The following RAB8B variants were observed in gnomAD, a reference collection of about 807,000 sequenced individuals.
RAB8B encodes the protein ras-related protein Rab-8B.
Under a neutral mutation model 32.0 loss-of-function variants are expected in RAB8B, and 11 were observed. The observed-to-expected ratio is 0.34, with a 90% CI of 0.22 to 0.57. RAB8B has a LOEUF of 0.57. Among genes scored for constraint, RAB8B ranks in the 20% least tolerant of loss-of-function variants. The pLI, the probability that RAB8B is intolerant of heterozygous loss-of-function variation, is 0.86. For missense variants in RAB8B, 190 were observed against 258.5 expected (o/e 0.73, Z 1.82); for synonymous variants, 103 against 89.6 (o/e 1.15, Z -0.85).
At chr15:63,204,026 G>T (rs1002216786) in intron 1 of RAB8B, among the ~76,000 whole-genome samples, 2 of 151,954 alleles carry the variant, frequency 1.3e-5, no homozygotes, top group Admixed American at 1.3e-4. Context: ...AAGTGCTGTG[G>T]TAAAGCATTA....
chr15:63,235,963 A>T (rs16953481), intron 1 of RAB8B, among the ~76,000 whole-genome samples: 3,095 of 152,248 alleles, frequency 0.02, 88 homozygotes, highest in African/African-American at 0.071. Flanking sequence ...CAAGATGTGG[A>T]TGTTCTTGTA....
intron 1 of RAB8B, among the ~76,000 whole-genome samples, chr15:63,243,154 T>A (rs1422269994): frequency 3.3e-5 from 5 of 152,224 alleles, no homozygotes; most frequent in Admixed American, 3.3e-4. Flanking sequence ...GAGAATCTAA[T>A]GCCACTGCTG....
At chr15:63,246,457 A>G (rs1388303494) in intron 2 of RAB8B, among the ~76,000 whole-genome samples, 1 of 150,494 alleles carries the variant, frequency 6.6e-6, no homozygotes, top group African/African-American at 2.5e-5. Context: ...GAAACACTTT[A>G]TTTATGTTTA....
chr15:63,242,368 A>G (rs2038039313), intron 1 of RAB8B, among the ~76,000 whole-genome samples: 1 of 152,068 alleles, frequency 6.6e-6, no homozygotes, highest in African/African-American at 2.4e-5. Context: ...ATAGCAGTTG[A>G]ATGCTCCCCA....
At chr15:63,250,805 C>A (rs571446104) in intron 3 of RAB8B, among the ~76,000 whole-genome samples, 7 of 150,606 alleles carry the variant, frequency 4.6e-5, no homozygotes, top group African/African-American at 1.7e-4. Context: ...GAAGGTTGAA[C>A]AACTGAGGTC....
intron 3 of RAB8B, among the ~76,000 whole-genome samples, chr15:63,252,971 C>T (rs536180641): frequency 1.3e-5 from 2 of 152,216 alleles, no homozygotes; most frequent in Non-Finnish European, 2.9e-5. Flanking sequence ...TGGTCTCAAA[C>T]TCCTGATCTC....
At chr15:63,229,076 G>A (rs1298516929) in intron 1 of RAB8B, among the ~76,000 whole-genome samples, 2 of 152,004 alleles carry the variant, frequency 1.3e-5, no homozygotes, top group East Asian at 3.9e-4. Context: ...AAATATTTTC[G>A]AGATCTCTAT....
chr15:63,267,398 G>A lies in RAB8B; in HGVS notation c.*3779G>A, dbSNP rs1226197421. 2.0e-5 allele frequency: 3 copies of A among 152,438 alleles called. No individual in the cohort carries two copies. Among genetic ancestry groups the A allele is most frequent in the African/African-American group, 7.2e-5 (3 of 41,396 alleles). 9.4% of individuals were successfully genotyped at this position (152,438 alleles called of 1,614,324 possible). On this transcript the variant is annotated 3_prime_UTR_variant, in exon 8 of 8. Transcript: ENST00000321437. ...TTCACTTTACCTTTTTTTAAAATGT[G>A]AATTTAGTTATTATAGTTCAATTTT...
intron 1 of RAB8B, among the ~76,000 whole-genome samples, chr15:63,205,550 G>C (rs1013826530): frequency 2.6e-5 from 4 of 152,056 alleles, no homozygotes; most frequent in Non-Finnish European, 5.9e-5. Context: ...ATGTGGTAGG[G>C]ACAAGGGCAT....
chr15:63,223,864 G>A lies in RAB8B; in HGVS notation c.125-20892G>A, dbSNP rs533744370. 11 of 433,904 alleles carry A rather than the reference G, an allele frequency of 2.5e-5. No individual in the cohort carries two copies. In the East Asian group the frequency reaches 7.0e-4, roughly 28 times the overall value. The allele number at this position is 433,904 out of a possible 1,614,324, so 26.9% of individuals were successfully genotyped here. On this transcript the variant is annotated intron_variant, in intron 1 of 7. Coordinates refer to ENST00000321437, the MANE Select transcript of RAB8B (RefSeq NM_016530.3). ...CTTCTATAGTGCGGCCTCACATAGA[G>A]GAATAAAAACAACCCATTTTATTAT... is the stretch of plus-strand genomic sequence containing the variant.
intron 1 of RAB8B, among the ~76,000 whole-genome samples, chr15:63,218,628 G>T: frequency 6.6e-6 from 1 of 152,162 alleles, no homozygotes; most frequent in East Asian, 1.9e-4. Context: ...CATTTGAAAT[G>T]ATGTCAGTTA....
At chr15:63,220,716 T>C (rs1230459682) in intron 1 of RAB8B, among the ~76,000 whole-genome samples, 1 of 152,210 alleles carries the variant, frequency 6.6e-6, no homozygotes, top group African/African-American at 2.4e-5. Flanking sequence ...CCTGATTGTA[T>C]TCCAAAGTAA....
chr15:63,219,470 G>A (rs2037825517), intron 1 of RAB8B, among the ~76,000 whole-genome samples: 1 of 150,286 alleles, frequency 6.7e-6, no homozygotes, highest in African/African-American at 2.5e-5. Flanking sequence ...TTTTTAAATG[G>A]AGGGAAAGAG....
Position 63,255,543 on chromosome 15 carries a change from T to C in RAB8B, c.283T>C (p.Ser95Pro). ...GGTCTATGACATCACAAATGAAAAA[T>C]CCTTTGACAATATTAAAAATTGGAT... is the stretch of plus-strand genomic sequence containing the variant. ...MLVYDITNEK[S>P]FDNIKNWIRN... The change falls in exon 4 of 8, where the codon TCC becomes CCC. Residue 95 changes from serine to proline, a missense_variant. By Grantham distance (74) the Ser-to-Pro change is moderately conservative (BLOSUM62 -1). Transcript: ENST00000321437. 1 of 1,607,178 alleles carries C rather than the reference T, an allele frequency of 6.2e-7. No individual in the cohort carries two copies. The highest frequency in any genetic ancestry group is 8.5e-7 in the Non-Finnish European group (1 of 1,173,714).
chr15:63,215,192 T>C (rs1258383473), intron 1 of RAB8B, among the ~76,000 whole-genome samples: 1 of 152,234 alleles, frequency 6.6e-6, no homozygotes, highest in Non-Finnish European at 1.5e-5. Flanking sequence ...ATTTAGACTT[T>C]TGCCTTTCCT....
rs1392529710 is a variant in RAB8B at position 63,266,975 on chromosome 15, A to C, written c.*3356A>C. 1 of 152,596 alleles carries C rather than the reference A, an allele frequency of 6.6e-6. No homozygotes were observed. Among genetic ancestry groups the C allele is most frequent in the Non-Finnish European group, 1.5e-5 (1 of 68,014 alleles). 9.5% of individuals were successfully genotyped at this position (152,596 alleles called of 1,614,324 possible). A position where few individuals can be genotyped will look rare whatever the true frequency, so the allele number is the denominator to read the frequency against. ...ATGTTGGTTAATTATTATAAATTTT[A>C]AGCACTCATTTCTGCAATCAGGTTT... is the stretch of plus-strand genomic sequence containing the variant. On this transcript the variant is annotated 3_prime_UTR_variant, in exon 8 of 8. Transcript: ENST00000321437.
chr15:63,213,512 G>T (rs1296034057), intron 1 of RAB8B, among the ~76,000 whole-genome samples: 1 of 151,946 alleles, frequency 6.6e-6, no homozygotes, highest in African/African-American at 2.4e-5. Context: ...AATTCAGTAG[G>T]CTGTGCATTT....
At chr15:63,234,703 G>A (rs1322893659) in intron 1 of RAB8B, among the ~76,000 whole-genome samples, 1 of 152,152 alleles carries the variant, frequency 6.6e-6, no homozygotes, top group Non-Finnish European at 1.5e-5. Flanking sequence ...ATGCCCTGTG[G>A]GTTGCGCTGG....
intron 1 of RAB8B, among the ~76,000 whole-genome samples, chr15:63,193,321 G>A (rs2037573829): frequency 6.6e-6 from 1 of 152,140 alleles, no homozygotes; most frequent in Admixed American, 6.5e-5. Context: ...AGGGGTGTTG[G>A]AAGGTAGATT....
Sources: gnomAD v4.1 joint callset for allele counts (sites outside exome capture counted in the v4.1 genomes callset) on GRCh38, gnomAD v4.1.1 for gene constraint, MANE v1.5 for transcripts, NCBI Gene and HGNC (gene_info 2026-07-23, HGNC 2026-07-21) for gene names.